Variants in RBPMS observed in about 807,000 individuals in gnomAD.
The protein encoded by RBPMS is RNA binding protein, mRNA processing factor, also known as RNA-binding protein with multiple splicing.
RBPMS carries 7 observed loss-of-function variants against 26.8 expected under a neutral mutation model. The observed-to-expected ratio is 0.26, with a 90% CI of 0.15 to 0.49. RBPMS has a LOEUF of 0.49. Ranked by LOEUF, RBPMS falls within the 20% of genes least tolerant of loss-of-function variation. The pLI is 0.98. For missense variants in RBPMS, 186 were observed against 250.0 expected, an observed-to-expected ratio of 0.74 and a Z score of 1.73; for synonymous variants, 96 against 93.3, an observed-to-expected ratio of 1.03 and a Z score of -0.17.
chr8:30,502,424 G>C (rs1163486831), intron 4 of RBPMS, among the ~76,000 whole-genome samples: 1 of 152,186 alleles, frequency 6.6e-6, no homozygotes, highest in Non-Finnish European at 1.5e-5. Flanking sequence ...ACCACAACTA[G>C]GTCCCAGGAT....
At position 30,439,913 on chromosome 8, in the gene RBPMS, C is replaced by T. The variant is rs562030869; in HGVS notation, c.67-34866C>T. Reference sequence around the variant, plus strand: ...AAAAAATTAAAGCCAGGTGCAGTGGCTTACGCCTGTAATCCCAGCACTTTG... The same window carrying T: ...AAAAAATTAAAGCCAGGTGCAGTGGTTTACGCCTGTAATCCCAGCACTTTG... On this transcript the variant is annotated intron_variant, in intron 1 of 8. Coordinates refer to ENST00000397323, the MANE Select transcript of RBPMS (RefSeq NM_001008710.3). Among the ~76,000 whole-genome samples the T allele has an allele frequency of 2.6e-4, 39 of 152,264 alleles. No homozygotes were observed. In the South Asian group the frequency reaches 7.5e-3, roughly 29 times the overall value.
intron 1 of RBPMS, among the ~76,000 whole-genome samples, chr8:30,389,856 C>CTGT (rs1214048420): frequency 6.6e-6 from 1 of 152,070 alleles, no homozygotes; most frequent in Admixed American, 6.6e-5. Context: ...ATACTATTCT[C>CTGT]TGTGTTCTGG....
intron 5 of RBPMS, among the ~76,000 whole-genome samples, chr8:30,533,249 G>A (rs1824423782): frequency 6.6e-6 from 1 of 152,192 alleles, no homozygotes; most frequent in South Asian, 2.1e-4. Context: ...TATGCAGGGG[G>A]ATTATCCTTC....
At chr8:30,467,995 T>C (rs902465030) in intron 1 of RBPMS, among the ~76,000 whole-genome samples, 5 of 150,124 alleles carry the variant, frequency 3.3e-5, no homozygotes, top group East Asian at 4.0e-4. Flanking sequence ...CTTTTTTTTT[T>C]CCCTTGAGCA....
chr8:30,447,560 C>G (rs1485249444), intron 1 of RBPMS, among the ~76,000 whole-genome samples: 1 of 152,156 alleles, frequency 6.6e-6, no homozygotes, highest in Non-Finnish European at 1.5e-5. Context: ...TCCTTCCAGC[C>G]TGTCACCCAT....
intron 5 of RBPMS, among the ~76,000 whole-genome samples, chr8:30,530,875 C>T (rs972773635): frequency 2.0e-5 from 3 of 152,054 alleles, no homozygotes; most frequent in Non-Finnish European, 4.4e-5. Flanking sequence ...GAAATTTGCC[C>T]GAGGTCACAT....
intron 5 of RBPMS, among the ~76,000 whole-genome samples, chr8:30,517,083 T>C (rs1822405966): frequency 6.6e-6 from 1 of 152,176 alleles, no homozygotes; most frequent in South Asian, 2.1e-4. Context: ...CACATAGATA[T>C]TGTATGAATG....
intron 7 of RBPMS, chr8:30,565,650 T>C (rs1827838680): frequency 6.6e-6 from 1 of 152,276 alleles, no homozygotes; most frequent in African/African-American, 2.4e-5. Context: ...AGGGTACAAG[T>C]AGCCAGATAT....
chr8:30,459,836 C>T (rs150247974), intron 1 of RBPMS, among the ~76,000 whole-genome samples: 2 of 152,298 alleles, frequency 1.3e-5, no homozygotes, highest in African/African-American at 4.8e-5. Flanking sequence ...TTTAAAAGTA[C>T]ATATAATCAT....
At chr8:30,494,708 T>C (rs1563373518) in intron 4 of RBPMS, among the ~76,000 whole-genome samples, 1 of 152,174 alleles carries the variant, frequency 6.6e-6, no homozygotes, top group African/African-American at 2.4e-5. Context: ...TAATTAACTC[T>C]AGCTGATGGT....
intron 1 of RBPMS, among the ~76,000 whole-genome samples, chr8:30,441,882 T>C (rs916210705): frequency 3.3e-5 from 5 of 152,196 alleles, no homozygotes; most frequent in African/African-American, 4.8e-5. Context: ...CTCCGCCTCC[T>C]GGATTCAAGC....
intron 4 of RBPMS, among the ~76,000 whole-genome samples, chr8:30,503,842 C>A (rs1175868341): frequency 1.3e-5 from 2 of 152,128 alleles, no homozygotes; most frequent in East Asian, 3.9e-4. Context: ...TGAAGACATT[C>A]TTGAATGGTG....
chr8:30,422,607 G>A (rs1044748768), intron 1 of RBPMS, among the ~76,000 whole-genome samples: 1 of 152,060 alleles, frequency 6.6e-6, no homozygotes, highest in Non-Finnish European at 1.5e-5. Flanking sequence ...CCTCATTTAG[G>A]CATGAGAGTG....
chr8:30,447,298 G>T (rs1334200360), intron 1 of RBPMS, among the ~76,000 whole-genome samples: 1 of 152,064 alleles, frequency 6.6e-6, no homozygotes, highest in Non-Finnish European at 1.5e-5. Flanking sequence ...TCAGTTAAAG[G>T]GTACTCAACC....
rs993321764 is a variant in RBPMS at position 30,514,700 on chromosome 8, T to A, written c.397+10264T>A. ...CCGGGCTTTTTTTTTTTTTTTTTTT[T>A]TTTAATGTAGAGGCGGGGTTTCCCC... is the stretch of plus-strand genomic sequence containing the variant. On this transcript the variant is annotated intron_variant, in intron 5 of 8. Transcript: ENST00000397323. Among the ~76,000 whole-genome samples, 9 of 130,398 alleles carry A rather than the reference T, an allele frequency of 6.9e-5. No individual in the cohort carries two copies. The East Asian group carries it at 2.2e-3, about 32-fold the overall frequency. 85.5% of individuals were successfully genotyped at this position (130,398 alleles called of 152,430 possible).
chr8:30,544,163 C>T (rs1188276617), intron 5 of RBPMS, among the ~76,000 whole-genome samples: 2 of 152,202 alleles, frequency 1.3e-5, no homozygotes, highest in African/African-American at 4.8e-5. Context: ...CTCAGAGGGT[C>T]GCATTTCCTG....
At chr8:30,385,786 C>T (rs1266836641) in intron 1 of RBPMS, among the ~76,000 whole-genome samples, 1 of 152,124 alleles carries the variant, frequency 6.6e-6, no homozygotes, top group Non-Finnish European at 1.5e-5. Flanking sequence ...AAAAACGCAG[C>T]AATTCACCAA....
In RBPMS at chr8:30,430,232, A is replaced by G. The variant is rs551071660; in HGVS notation, c.67-44547A>G. Reference sequence around the variant, plus strand: ...TACCCTGTCTTAAATGGATGGATGGATGGATGGATGGATAGATAAATAAAT... The same window carrying G: ...TACCCTGTCTTAAATGGATGGATGGGTGGATGGATGGATAGATAAATAAAT... On this transcript the variant is annotated intron_variant, in intron 1 of 8. Coordinates refer to ENST00000397323, the MANE Select transcript of RBPMS (RefSeq NM_001008710.3). Among the ~76,000 whole-genome samples the G allele has an allele frequency of 7.9e-5, 12 of 152,232 alleles. 2 individuals carry two copies. Among genetic ancestry groups the G allele is most frequent in the African/African-American group, 2.9e-4 (12 of 41,546 alleles).
chr8:30,503,550 C>G (rs142165025), intron 4 of RBPMS, among the ~76,000 whole-genome samples: 7 of 151,948 alleles, frequency 4.6e-5, no homozygotes, highest in Admixed American at 2.6e-4. Context: ...TGAGCCACAA[C>G]GCCCTGCCTG....
Sources: gnomAD v4.1 joint callset for allele counts (sites outside exome capture counted in the v4.1 genomes callset) on GRCh38, gnomAD v4.1.1 for gene constraint, MANE v1.5 for transcripts, NCBI Gene and HGNC (gene_info 2026-07-23, HGNC 2026-07-21) for gene names.